PHF20: variants seen among roughly 807,000 people sequenced by gnomAD.
PHF20 encodes the protein glioma-expressed antigen 2.
In PHF20, 23 loss-of-function variants were observed where a neutral mutation model predicts 113.5. The ratio of observed to expected loss-of-function variants is 0.20; its 90% CI spans 0.15 to 0.29. The LOEUF is 0.29. PHF20 is among the 10% of genes least tolerant of loss of function. PHF20 has a pLI of 1.00. For missense variants in PHF20, 943 were observed against 1,219.6 expected (o/e 0.77, Z 3.38); for synonymous variants, 434 against 457.3 (o/e 0.95, Z 0.65).
At chr20:35,852,736 T>C (rs1336046613) in intron 4 of PHF20, among the ~76,000 whole-genome samples, 2 of 151,396 alleles carry the variant, frequency 1.3e-5, no homozygotes, top group African/African-American at 4.8e-5. Flanking sequence ...GTAGCTGGGA[T>C]TACAGGTGTG....
chr20:35,928,253 A>G (rs1184303702), intron 14 of PHF20, among the ~76,000 whole-genome samples: 1 of 151,374 alleles, frequency 6.6e-6, no homozygotes, highest in Admixed American at 6.6e-5. Flanking sequence ...AGCCTGGCCA[A>G]TGTGGTGAAA....
At position 35,917,637 on chromosome 20, in the gene PHF20, A is replaced by G. The variant is rs1415546496; in HGVS notation, c.1979A>G (p.Gln660Arg). 1 of 1,613,864 alleles carries G rather than the reference A, an allele frequency of 6.2e-7. No homozygotes were observed. Among genetic ancestry groups the G allele is most frequent in the African/African-American group, 1.3e-5 (1 of 74,896 alleles). ...FEVVRCICEV[Q>R]EENDFMIQCE... is the part of the protein sequence containing the mutation. ...GTGGTCCGCTGCATCTGTGAGGTCC[A>G]GGAGGAAAATGACTTCATGATTCAG... The change falls in exon 13 of 18, where the codon CAG (glutamine) becomes CGG (arginine). Residue 660 changes from glutamine (Q) to arginine (R), a missense_variant. This residue lies in a region of PHF20 where 592 missense variants were observed against 787.2 expected (regional missense o/e 0.75). Transcript: ENST00000374012.
At chr20:35,933,177 G>A (rs1416799248) in intron 15 of PHF20, among the ~76,000 whole-genome samples, 1 of 150,914 alleles carries the variant, frequency 6.6e-6, no homozygotes, top group African/African-American at 2.4e-5. Context: ...CTACTCACAG[G>A]TGCGATCATC....
intron 13 of PHF20, among the ~76,000 whole-genome samples, chr20:35,923,955 T>A (rs959129074): frequency 2.0e-5 from 3 of 152,040 alleles, no homozygotes; most frequent in Admixed American, 1.3e-4. Context: ...GGAATCTTGC[T>A]ATGTTTTTCA....
rs367835554 is a variant in PHF20, at chr20:35,931,303, A to T, written c.2159A>T (p.His720Leu). The T allele has an allele frequency of 3.1e-6, 5 of 1,614,154 alleles. No homozygotes were observed. Among genetic ancestry groups the T allele is most frequent in the Non-Finnish European group, 8.5e-7 (1 of 1,180,022 alleles). The change falls in exon 15 of 18, where the codon CAT becomes CTT. Residue 720 changes from histidine (H) to leucine (L), a missense_variant. By Grantham distance (99) the His-to-Leu change is moderately conservative (BLOSUM62 -3). Coordinates refer to ENST00000374012, the MANE Select transcript of PHF20 (RefSeq NM_016436.5). Reference sequence around the variant, plus strand: ...GACAAGGAGTGGCTGAGCAGGGGACATATGCATGGCCTGGCATTTCTAGAA... The same window carrying T: ...GACAAGGAGTGGCTGAGCAGGGGACTTATGCATGGCCTGGCATTTCTAGAA... The part of the protein sequence containing the change: ...WYDKEWLSRG[H>L]MHGLAFLEEN...
chr20:35,826,819 T>C (rs2042270693), intron 2 of PHF20, among the ~76,000 whole-genome samples: 1 of 152,178 alleles, frequency 6.6e-6, no homozygotes, highest in Non-Finnish European at 1.5e-5. Context: ...GATGTGTACA[T>C]ACTGACTGTT....
intron 17 of PHF20, among the ~76,000 whole-genome samples, chr20:35,946,704 T>C (rs1039677630): frequency 6.7e-6 from 1 of 149,462 alleles, no homozygotes; most frequent in Admixed American, 6.7e-5. Flanking sequence ...TATTTTATTT[T>C]ATTATTTTAT....
At chr20:35,860,888 G>C (rs2064511) in intron 5 of PHF20, among the ~76,000 whole-genome samples, 204 of 152,166 alleles carry the variant, frequency 1.3e-3, no homozygotes, top group African/African-American at 4.7e-3. Context: ...TTTACTCTGC[G>C]ATACTCAGTA....
chr20:35,883,367 T>C (rs17093210), intron 9 of PHF20, among the ~76,000 whole-genome samples: 7,405 of 152,304 alleles, frequency 0.049, 232 homozygotes, highest in African/African-American at 0.099. Flanking sequence ...GAGCCTAATA[T>C]TTGGCATGAA....
At chr20:35,818,681 T>C (rs1156918197) in intron 2 of PHF20, among the ~76,000 whole-genome samples, 1 of 151,954 alleles carries the variant, frequency 6.6e-6, no homozygotes, top group African/African-American at 2.4e-5. Context: ...GGACTATAGG[T>C]GCATGCCACT....
At chr20:35,875,024 A>G (rs1308802725) in intron 9 of PHF20, among the ~76,000 whole-genome samples, 3 of 152,178 alleles carry the variant, frequency 2.0e-5, no homozygotes, top group African/African-American at 2.4e-5. Context: ...CACTTGAACC[A>G]GGGAGGTCGA....
At chr20:35,772,396 G>C (rs2041077891) in intron 1 of PHF20, among the ~76,000 whole-genome samples, 1 of 152,114 alleles carries the variant, frequency 6.6e-6, no homozygotes, top group Non-Finnish European at 1.5e-5. Flanking sequence ...GGGCCGTGTT[G>C]GGGGTGCGGG....
chr20:35,817,123 A>T (rs886643760), intron 2 of PHF20, among the ~76,000 whole-genome samples: 1 of 149,632 alleles, frequency 6.7e-6, no homozygotes, highest in East Asian at 2.0e-4. Flanking sequence ...TTAATCTGTT[A>T]TGTGAACTAA....
At chr20:35,892,801 T>G (rs1409654592) in intron 9 of PHF20, among the ~76,000 whole-genome samples, 2 of 152,206 alleles carry the variant, frequency 1.3e-5, no homozygotes, top group Non-Finnish European at 2.9e-5. Context: ...GATTATCAAC[T>G]GGCTTATAAT....
At chr20:35,813,532 G>T (rs926287975) in intron 2 of PHF20, among the ~76,000 whole-genome samples, 7 of 151,958 alleles carry the variant, frequency 4.6e-5, no homozygotes, top group African/African-American at 1.4e-4. Flanking sequence ...GTTCTCCAAG[G>T]CTTGGTTTCT....
At chr20:35,913,467 C>T in intron 11 of PHF20, 120 bp downstream of exon 11, 1 of 735,378 alleles carries the variant, frequency 1.4e-6, no homozygotes, top group Non-Finnish European at 2.3e-6. Flanking sequence ...TAGTCTCTTA[C>T]CAGGGCTTGT....
At chr20:35,780,985 C>G (rs1569113880) in intron 1 of PHF20, among the ~76,000 whole-genome samples, 1 of 151,242 alleles carries the variant, frequency 6.6e-6, no homozygotes, top group Non-Finnish European at 1.5e-5. Flanking sequence ...TCCCAAGTAG[C>G]TGGGATTACA....
intron 12 of PHF20, among the ~76,000 whole-genome samples, chr20:35,915,357 A>T (rs560741300): frequency 7.2e-4 from 108 of 150,966 alleles, no homozygotes; most frequent in Middle Eastern, 3.5e-3. Context: ...TAAAATATAT[A>T]TATATATTTT....
At chr20:35,920,927 A>G (rs1045086384) in intron 13 of PHF20, among the ~76,000 whole-genome samples, 15 of 152,246 alleles carry the variant, frequency 9.9e-5, no homozygotes, top group African/African-American at 3.4e-4. Context: ...ATAGAACCCC[A>G]AAATGTGTAA....
Sources: allele counts gnomAD v4.1 joint callset (sites outside exome capture counted in the v4.1 genomes callset), GRCh38; gene constraint gnomAD v4.1.1; regional missense constraint gnomAD v4.1.1; transcripts MANE v1.5; gene names NCBI Gene and HGNC (gene_info 2026-07-23, HGNC 2026-07-21).